The following KRT10 variants were observed in gnomAD, a reference collection of about 807,000 sequenced individuals.
KRT10 encodes keratin, type I cytoskeletal 10.
KRT10 carries 40 observed loss-of-function variants against 59.2 expected under a neutral mutation model. The ratio of observed to expected loss-of-function variants is 0.68; its 90% CI spans 0.52 to 0.88. The LOEUF (loss-of-function observed/expected upper bound fraction) is 0.88, where lower values mean the gene tolerates loss of function less well. Ranked by LOEUF, KRT10 falls within the 40% of genes least tolerant of loss-of-function variation. The pLI is 0.00. For synonymous variants in KRT10, 336 were observed against 310.7 expected (o/e 1.08, Z -0.86); for missense variants, 719 against 749.1 (o/e 0.96, Z 0.47).
chr17:40,822,235 A>G lies in KRT10; in HGVS notation c.351T>C (p.Phe117=). 1.2e-6 allele frequency: 2 copies of G among 1,610,498 alleles called. No homozygotes were observed. The highest frequency in any genetic ancestry group is 1.1e-5 in the South Asian group (1 of 90,884). Residue 117 remains phenylalanine, a synonymous_variant, in exon 1 of 8, where the codon TTT becomes TTC. Coordinates refer to ENST00000269576, the MANE Select transcript of KRT10 (RefSeq NM_000421.5). ...FGGGSFGGGS[F]GGGGFGGGGF... ...CGCCTCCACCAAAGCCGCCTCCACC[A>G]AAGCTGCCCCCACCAAAGCTGCCAC...
Position 40,818,990 on chromosome 17 carries a change from G to A in KRT10, c.1545C>T (p.Gly515=), listed in dbSNP as rs747712277. ...GGGSSGGGYG[G]GSSSGGHGGS... is the part of the protein sequence containing the mutation. The stretch of plus-strand genomic sequence containing the variant: ...CGCCGTGGCCGCCGCTGGAGCTTCC[G>A]CCCCCGTAGCCGCCGCCGGAGCTTC... The change falls in exon 7 of 8, where the codon GGC becomes GGT. Residue 515 remains glycine, a synonymous_variant. Coordinates refer to ENST00000269576, the MANE Select transcript of KRT10 (RefSeq NM_000421.5). The A allele has an allele frequency of 2.3e-5, 32 of 1,379,686 alleles. No individual in the cohort carries two copies. Among genetic ancestry groups the A allele is most frequent in the South Asian group, 2.2e-4 (14 of 62,230 alleles). 85.5% of individuals were successfully genotyped at this position (1,379,686 alleles called of 1,614,324 possible).
In KRT10 at chr17:40,819,395, GTACTC is replaced by G. The variant is rs1280363488; in HGVS notation, c.1373+117_1373+121del. The G allele has an allele frequency of 4.7e-6, 6 of 1,279,840 alleles. No homozygotes were observed. The African/African-American group carries it at 5.9e-5, about 13-fold the overall frequency. The allele number at this position is 1,279,840 out of a possible 1,614,324, so 79.3% of individuals were successfully genotyped here. On this transcript the variant is annotated intron_variant, in intron 6 of 7. Coordinates refer to ENST00000269576, the MANE Select transcript of KRT10 (RefSeq NM_000421.5). ...ATTGCGGTTGCGTACTCCTTTTTCTGTACTCTACCCTCTCTCCTCCCTTCCTCTCA... is the reference window on the plus strand; with the variant it reads ...ATTGCGGTTGCGTACTCCTTTTTCTGTACCCTCTCTCCTCCCTTCCTCTCA...
intron 2 of KRT10, 62 bp downstream of exon 2, chr17:40,820,973 C>G (rs1170487360): frequency 1.5e-6 from 2 of 1,295,664 alleles, no homozygotes; most frequent in African/African-American, 1.5e-5. Flanking sequence ...CATCCCAAGT[C>G]ATTGTTAAAA....
intron 5 of KRT10, 135 bp from the exon 6 acceptor site, chr17:40,819,869 A>G (rs532309007): frequency 9.1e-7 from 1 of 1,097,702 alleles, no homozygotes. Flanking sequence ...TAATGGCACC[A>G]TTTCAGTTTC....
At chr17:40,820,774 A>G in intron 2 of KRT10, 107 bp from the exon 3 acceptor site, 1 of 1,235,796 alleles carries the variant, frequency 8.1e-7, no homozygotes, top group Non-Finnish European at 1.2e-6. Flanking sequence ...TGTAATGGCA[A>G]TATTTGTCAT....
Position 40,819,174 on chromosome 17 carries a change from A to C in KRT10, c.1374-13T>G. 1 of 1,587,980 alleles carries C rather than the reference A, an allele frequency of 6.3e-7. No homozygotes were observed. Among genetic ancestry groups the C allele is most frequent in the Non-Finnish European group, 8.5e-7 (1 of 1,175,538 alleles). On this transcript the variant is annotated splice_polypyrimidine_tract_variant and intron_variant, in intron 6 of 7. Coordinates refer to ENST00000269576, the MANE Select transcript of KRT10 (RefSeq NM_000421.5). ...GCCGCCTCCGGAACTAAACGGGGTG[A>C]GGTCACATTCGGTTATCTCTAACGT...
rs779461895 is a variant in KRT10 at position 40,819,066 on chromosome 17, C to A, written c.1469G>T (p.Gly490Val). 2 of 712,208 alleles carry A rather than the reference C, an allele frequency of 2.8e-6. No homozygotes were observed. The highest frequency in any genetic ancestry group is 3.8e-6 in the Non-Finnish European group (2 of 519,522). The allele number at this position is 712,208 out of a possible 1,614,324, so 44.1% of individuals were successfully genotyped here. A position where few individuals can be genotyped will look rare whatever the true frequency, so the allele number is the denominator to read the frequency against. ...GCCGCCGCCGGAACTGCCGCCGTGG[C>A]CGCCGCCGTGGCCGCCGCCGGAGCT... ...GGSSGGGHGG[G>V]HGGSSGGGYG... The change falls in exon 7 of 8, where the codon GGC (glycine) becomes GTC (valine). Residue 490 changes from glycine (G) to valine (V), a missense_variant. Gly to Val is a moderately radical substitution (Grantham distance 109). Around this residue, in one of 4 missense-constraint regions of KRT10, gnomAD observed 315 missense variants for 270.6 expected, o/e 1.16. Transcript: ENST00000269576.
chr17:40,819,118 A>G lies in KRT10; in HGVS notation c.1417T>C (p.Tyr473His), dbSNP rs1228639207. ...CCGCCGCCGGAGCTTCCGCCGCCGT[A>G]GCCGCCGCCGAAACTTCCGCCGCCG... Reference protein sequence around the residue: ...GRGGGSFGGGYGGGSSGGGSS... With the variant: ...GRGGGSFGGGHGGGSSGGGSS... The change falls in exon 7 of 8, where the codon TAC (tyrosine) becomes CAC (histidine). Residue 473 changes from tyrosine to histidine, a missense_variant. Transcript: ENST00000269576. The G allele has an allele frequency of 2.0e-6, 3 of 1,520,550 alleles. No homozygotes were observed. Among genetic ancestry groups the G allele is most frequent in the Non-Finnish European group, 2.6e-6 (3 of 1,143,106 alleles). The allele number at this position is 1,520,550 out of a possible 1,614,324, so 94.2% of individuals were successfully genotyped here.
Position 40,821,101 on chromosome 17 carries a change from G to C in KRT10, c.644C>G (p.Thr215Ser), listed in dbSNP as rs375333087. The change falls in exon 2 of 8, where the codon ACT becomes AGT. Residue 215 changes from threonine to serine, a missense_variant. Transcript: ENST00000269576. ...DLKNQILNLT[T>S]DNANILLQID... ...CTGAAGCAGGATGTTGGCATTATCA[G>C]TTGTTAGGTTGAGAATCTGGAGGGA... The C allele has an allele frequency of 1.2e-6, 2 of 1,613,636 alleles. No individual in the cohort carries two copies. Among genetic ancestry groups the C allele is most frequent in the African/African-American group, 2.7e-5 (2 of 74,940 alleles).
chr17:40,818,926 C>T lies in KRT10; in HGVS notation c.1609G>A (p.Gly537Ser), dbSNP rs759536459. The change falls in exon 7 of 8, where the codon GGC (glycine) becomes AGC (serine). Residue 537 changes from glycine to serine, a missense_variant. Around this residue, in one of 4 missense-constraint regions of KRT10, gnomAD observed 315 missense variants for 270.6 expected, o/e 1.16. Transcript: ENST00000269576. ...SGGYGGGSSG[G>S]GGGGYGGGSS... ...CCGCCCCCGTAGCCGCCGCCGCCGC[C>T]GCCGGAACTGCCACCACCGTAGCCG... 8.1e-6 allele frequency: 10 copies of T among 1,241,682 alleles called. No homozygotes were observed. The highest frequency in any genetic ancestry group is 4.0e-5 in the East Asian group (1 of 24,748). The allele number at this position is 1,241,682 out of a possible 1,614,324, so 76.9% of individuals were successfully genotyped here.
chr17:40,819,393 C>A, intron 6 of KRT10, 124 bp downstream of exon 6: 1 of 1,277,686 alleles, frequency 7.8e-7, no homozygotes, highest in Non-Finnish European at 1.1e-6. Context: ...ACTCCTTTTT[C>A]TGTACTCTAC....
Position 40,822,225 on chromosome 17 carries a change from CGCCTCCACCAAAGCT to C in KRT10, c.346_360del (p.Ser116_Gly120del). The C allele has an allele frequency of 6.2e-7, 1 of 1,611,260 alleles. No individual in the cohort carries two copies. ...CCTCCAAAGCCGCCTCCACCAAAGCCGCCTCCACCAAAGCTGCCCCCACCAAAGCTGCCACCTCCG... is the reference window on the plus strand; with the variant it reads ...CCTCCAAAGCCGCCTCCACCAAAGCCGCCCCCACCAAAGCTGCCACCTCCG... On this transcript the variant is annotated inframe_deletion, in exon 1 of 8. Coordinates refer to ENST00000269576, the MANE Select transcript of KRT10 (RefSeq NM_000421.5).
chr17:40,822,290 C>G lies in KRT10; in HGVS notation c.296G>C (p.Gly99Ala), dbSNP rs1286205226. The G allele has an allele frequency of 6.3e-7, 1 of 1,598,974 alleles. No individual in the cohort carries two copies. ...YGSSSFGGSY[G>A]GIFGGGSFGG... ...GAAACTGCCCCCTCCAAAGATGCCT[C>G]CATAACTCCCACCAAAGCTGCTACT... The change falls in exon 1 of 8, where the codon GGA becomes GCA. Residue 99 changes from glycine (G) to alanine (A), a missense_variant. Physicochemically the swap from Gly to Ala is moderately conservative, Grantham distance 60. Around this residue, in one of 4 missense-constraint regions of KRT10, gnomAD observed 176 missense variants for 175.7 expected, o/e 1.00. Coordinates refer to ENST00000269576, the MANE Select transcript of KRT10 (RefSeq NM_000421.5).
Position 40,818,885 on chromosome 17 carries a change from G to GCCGCCGTAT in KRT10, c.1649_1650insATACGGCGG (p.Gly550_Ser551insTyrGlyGly). 6.6e-7 allele frequency: 1 copy of GCCGCCGTAT among 1,509,202 alleles called. No individual in the cohort carries two copies. Among genetic ancestry groups the GCCGCCGTAT allele is most frequent in the African/African-American group, 1.5e-5 (1 of 68,310 alleles). The allele number at this position is 1,509,202 out of a possible 1,614,324, so 93.5% of individuals were successfully genotyped here. A position where few individuals can be genotyped will look rare whatever the true frequency, so the allele number is the denominator to read the frequency against. ...CGCCGTATCCGCCGCCGGAGCTGCT[G>GCCGCCGTAT]CCGCCGCCGGAGCTGCCGCCCCCGT... On this transcript the variant is annotated inframe_insertion, in exon 7 of 8. Transcript: ENST00000269576.
At position 40,822,281 on chromosome 17, in the gene KRT10, A is replaced by G. The variant is rs114467326; in HGVS notation, c.305T>C (p.Phe102Ser). The G allele has an allele frequency of 5.3e-4, 840 of 1,595,054 alleles. 5 individuals carry two copies. The African/African-American group carries it at 0.011, about 20-fold the overall frequency. The stretch of plus-strand genomic sequence containing the variant: ...GCCACCTCCGAAACTGCCCCCTCCA[A>G]AGATGCCTCCATAACTCCCACCAAA... ...SSFGGSYGGI[F>S]GGGSFGGGSF... The change falls in exon 1 of 8, where the codon TTT becomes TCT. Residue 102 changes from phenylalanine (F) to serine (S), a missense_variant. Physicochemically the swap from Phe to Ser is radical, Grantham distance 155. This residue lies in a region of KRT10 where 176 missense variants were observed against 175.7 expected (regional missense o/e 1.00). Coordinates refer to ENST00000269576, the MANE Select transcript of KRT10 (RefSeq NM_000421.5).
Position 40,822,202 on chromosome 17 carries a change from TCCAAAGCCGCCTCCA to T in KRT10, c.369_383del (p.Gly126_Gly130del), listed in dbSNP as rs758685124. 25 of 1,613,184 alleles carry T rather than the reference TCCAAAGCCGCCTCCA, an allele frequency of 1.5e-5. No individual in the cohort carries two copies. Among genetic ancestry groups the T allele is most frequent in the Middle Eastern group, 3.3e-4 (2 of 6,084 alleles). On this transcript the variant is annotated inframe_deletion, in exon 1 of 8. Coordinates refer to ENST00000269576, the MANE Select transcript of KRT10 (RefSeq NM_000421.5). ...CTCCAAATCCACCACCAAAGCCTCCTCCAAAGCCGCCTCCACCAAAGCCGCCTCCACCAAAGCTGC... is the reference window on the plus strand; with the variant it reads ...CTCCAAATCCACCACCAAAGCCTCCTCCAAAGCCGCCTCCACCAAAGCTGC...
chr17:40,819,281 T>A, intron 6 of KRT10, 120 bp from the exon 7 acceptor site: 1 of 1,545,252 alleles, frequency 6.5e-7, no homozygotes, highest in South Asian at 1.2e-5. Flanking sequence ...CCCTGCCAGG[T>A]ATATATTTTA....
rs1555549255 is a variant in KRT10 at position 40,822,511 on chromosome 17, A to G, written c.75T>C (p.Cys25=). 4.3e-6 allele frequency: 7 copies of G among 1,610,778 alleles called. No homozygotes were observed. The highest frequency in any genetic ancestry group is 3.3e-5 in the South Asian group (3 of 91,024). Residue 25 remains cysteine, a synonymous_variant, in exon 1 of 8, where the codon TGT becomes TGC. Coordinates refer to ENST00000269576, the MANE Select transcript of KRT10 (RefSeq NM_000421.5). ...GGGATGACACTCCTCCTCCTCCTCC[A>G]CATCCTCCTCCTCCTCCTCCTCCTC... is the stretch of plus-strand genomic sequence containing the variant. ...RSGGGGGGGG[C]GGGGGVSSLR...
At position 40,819,031 on chromosome 17, in the gene KRT10, C is replaced by T. The variant is rs1317676671; in HGVS notation, c.1504G>A (p.Gly502Arg). 1 of 1,377,388 alleles carries T rather than the reference C, an allele frequency of 7.3e-7. No individual in the cohort carries two copies. The highest frequency in any genetic ancestry group is 1.5e-5 in the African/African-American group (1 of 65,966). The allele number at this position is 1,377,388 out of a possible 1,614,324, so 85.3% of individuals were successfully genotyped here. ...GGSSGGGYGG[G>R]SSGGGSSGGG... ...CCGGAGCTTCCGCCGCCGGAGCTTC[C>T]GCCTCCGTAGCCGCCGCCGGAACTG... is the stretch of plus-strand genomic sequence containing the variant. Residue 502 changes from glycine (G) to arginine (R), a missense_variant, in exon 7 of 8, where the codon GGA becomes AGA. Around this residue, in one of 4 missense-constraint regions of KRT10, gnomAD observed 315 missense variants for 270.6 expected, o/e 1.16. Transcript: ENST00000269576.
Sources: allele counts gnomAD v4.1 joint callset, GRCh38; gene constraint gnomAD v4.1.1; regional missense constraint gnomAD v4.1.1; transcripts MANE v1.5; gene names NCBI Gene and HGNC (gene_info 2026-07-23, HGNC 2026-07-21).